The following PITPNC1 variants were observed in gnomAD, a reference collection of about 807,000 sequenced individuals.
PITPNC1 encodes the protein phosphatidylinositol transfer protein cytoplasmic 1.
In PITPNC1, 18 loss-of-function variants were observed where a neutral mutation model predicts 44.7. That is an observed-to-expected ratio of 0.40 (90% CI 0.28 to 0.60). The LOEUF (loss-of-function observed/expected upper bound fraction) is 0.60, where lower values mean the gene tolerates loss of function less well. Among genes scored for constraint, PITPNC1 ranks in the 20% least tolerant of loss-of-function variants. The pLI, the probability that PITPNC1 is intolerant of heterozygous loss-of-function variation, is 0.39. For synonymous variants in PITPNC1, 141 were observed against 149.6 expected (o/e 0.94, Z 0.42); for missense variants, 290 against 418.4 (o/e 0.69, Z 2.68).
intron 1 of PITPNC1, among the ~76,000 whole-genome samples, chr17:67,393,961 G>A (rs1298419164): frequency 1.3e-5 from 2 of 151,866 alleles, no homozygotes; most frequent in Non-Finnish European, 2.9e-5. Flanking sequence ...CCTCAGCCTC[G>A]CGAGTAGCTG....
At chr17:67,539,606 A>G (rs2040576766) in intron 2 of PITPNC1, among the ~76,000 whole-genome samples, 1 of 152,242 alleles carries the variant, frequency 6.6e-6, no homozygotes, top group South Asian at 2.1e-4. Flanking sequence ...TGGGAGGCCG[A>G]GGCGGGTGGA....
chr17:67,553,169 G>T (rs950749864), intron 3 of PITPNC1: 1 of 153,236 alleles, frequency 6.5e-6, no homozygotes, highest in African/African-American at 2.4e-5. Flanking sequence ...CAGAAGGTTT[G>T]GTTCCTGCCC....
chr17:67,436,516 G>C (rs906934949), intron 1 of PITPNC1, among the ~76,000 whole-genome samples: 2 of 152,092 alleles, frequency 1.3e-5, no homozygotes, highest in Non-Finnish European at 2.9e-5. Context: ...GGCCAGGGAG[G>C]GGAAGGAGGG....
chr17:67,452,006 GTTT>G (rs1321619191), intron 1 of PITPNC1, among the ~76,000 whole-genome samples: 1 of 147,488 alleles, frequency 6.8e-6, no homozygotes, highest in Non-Finnish European at 1.5e-5. Flanking sequence ...CAGTGGTTGG[GTTT>G]TTTTTTTGTT....
intron 1 of PITPNC1, among the ~76,000 whole-genome samples, chr17:67,444,548 G>A (rs925647403): frequency 7.9e-5 from 12 of 152,028 alleles, no homozygotes; most frequent in Admixed American, 2.0e-4. Flanking sequence ...AAAAAACTTT[G>A]CCTTTGTCCC....
At chr17:67,406,505 A>T (rs1386411603) in intron 1 of PITPNC1, among the ~76,000 whole-genome samples, 2 of 151,992 alleles carry the variant, frequency 1.3e-5, no homozygotes, top group African/African-American at 4.8e-5. Flanking sequence ...GCTTAGCATA[A>T]TGTTTAATGA....
intron 4 of PITPNC1, among the ~76,000 whole-genome samples, chr17:67,561,958 C>A (rs1180020400): frequency 6.6e-6 from 1 of 152,132 alleles, no homozygotes; most frequent in African/African-American, 2.4e-5. Context: ...TCTTTAAATT[C>A]TTGTCTTGCC....
At chr17:67,432,490 T>C (rs1031447810) in intron 1 of PITPNC1, among the ~76,000 whole-genome samples, 1 of 151,964 alleles carries the variant, frequency 6.6e-6, no homozygotes, top group East Asian at 1.9e-4. Flanking sequence ...AGCGAGAGAG[T>C]GAGACTCCGT....
intron 4 of PITPNC1, among the ~76,000 whole-genome samples, chr17:67,554,288 G>A (rs1356961700): frequency 3.3e-5 from 4 of 122,958 alleles, no homozygotes; most frequent in South Asian, 2.4e-4. Context: ...ATGGAGTCTC[G>A]CTCCATCACC....
At chr17:67,495,105 G>A (rs1202141703) in intron 1 of PITPNC1, among the ~76,000 whole-genome samples, 2 of 123,882 alleles carry the variant, frequency 1.6e-5, no homozygotes, top group Non-Finnish European at 3.2e-5. Context: ...CGCCCAGGCT[G>A]GAGTGCAGTG....
At chr17:67,385,406 A>G (rs1334607521) in intron 1 of PITPNC1, among the ~76,000 whole-genome samples, 1 of 152,210 alleles carries the variant, frequency 6.6e-6, no homozygotes, top group Non-Finnish European at 1.5e-5. Context: ...AAATGGAGCA[A>G]TCAGCACTCT....
At chr17:67,479,010 G>C (rs913094785) in intron 1 of PITPNC1, among the ~76,000 whole-genome samples, 2 of 151,778 alleles carry the variant, frequency 1.3e-5, no homozygotes, top group African/African-American at 4.8e-5. Flanking sequence ...AGGTTACCTC[G>C]GTGTCAAGCA....
At chr17:67,570,462 C>T (rs947043012) in intron 4 of PITPNC1, among the ~76,000 whole-genome samples, 3 of 152,182 alleles carry the variant, frequency 2.0e-5, no homozygotes, top group Admixed American at 6.5e-5. Flanking sequence ...GATGCCTTTC[C>T]GGAAGCCTCT....
rs1474491919 is a variant in PITPNC1 at position 67,665,986 on chromosome 17, A to G, written c.463-3522A>G. 8.6e-5 allele frequency among the ~76,000 whole-genome samples: 13 copies of G among 151,930 alleles called. 1 individual carries two copies. The highest frequency in any genetic ancestry group is 4.6e-4 in the Admixed American group (7 of 15,260). Reference sequence around the variant, plus strand: ...CTCCCTAGTAGCTGGGATTACAGGCATGCATCACCATGCCCAGCTCATTTT... The same window carrying G: ...CTCCCTAGTAGCTGGGATTACAGGCGTGCATCACCATGCCCAGCTCATTTT... On this transcript the variant is annotated intron_variant, in intron 6 of 8. Transcript: ENST00000581322.
At chr17:67,655,006 C>G (rs1469013060) in intron 6 of PITPNC1, among the ~76,000 whole-genome samples, 1 of 152,304 alleles carries the variant, frequency 6.6e-6, no homozygotes, top group Middle Eastern at 3.4e-3. Flanking sequence ...GAATTTCAGA[C>G]AGAATGTCCT....
At chr17:67,495,412 A>C (rs1422129763) in intron 1 of PITPNC1, among the ~76,000 whole-genome samples, 3 of 152,038 alleles carry the variant, frequency 2.0e-5, no homozygotes, top group Admixed American at 2.0e-4. Context: ...TCAGGGGTAC[A>C]TGTGCAGGTT....
intron 1 of PITPNC1, among the ~76,000 whole-genome samples, chr17:67,419,926 AAG>A (rs984609844): frequency 1.3e-5 from 2 of 151,762 alleles, no homozygotes; most frequent in East Asian, 1.9e-4. Context: ...CAAAAAAAAA[AAG>A]AGAGAGAGAG....
intron 6 of PITPNC1, among the ~76,000 whole-genome samples, chr17:67,636,471 C>T (rs1208149603): frequency 6.6e-6 from 1 of 152,080 alleles, no homozygotes; most frequent in African/African-American, 2.4e-5. Flanking sequence ...AGAAGGGGCC[C>T]CATAGGGCTG....
chr17:67,503,443 A>G (rs2040062047), intron 1 of PITPNC1, among the ~76,000 whole-genome samples: 3 of 152,138 alleles, frequency 2.0e-5, no homozygotes, highest in African/African-American at 7.2e-5. Context: ...CTTGACGGGG[A>G]GGGAGGGGGC....
Sources: gnomAD v4.1 joint callset for allele counts (sites outside exome capture counted in the v4.1 genomes callset) on GRCh38, gnomAD v4.1.1 for gene constraint, MANE v1.5 for transcripts, NCBI Gene and HGNC (gene_info 2026-07-23, HGNC 2026-07-21) for gene names.